Variants in FLACC1 observed in about 807,000 individuals in gnomAD.
FLACC1 encodes the protein flagellum associated containing coiled-coil domains 1, also known as flagellum-associated coiled-coil domain-containing protein 1.
In FLACC1, 66 loss-of-function variants were observed where a neutral mutation model predicts 62.8. That is an observed-to-expected ratio of 1.05 (90% confidence interval 0.86 to 1.29). FLACC1 has a LOEUF of 1.29. FLACC1 is among the 50% of genes most tolerant of loss of function. The pLI is 0.00. For synonymous variants in FLACC1, 156 were observed against 161.0 expected (o/e 0.97, Z 0.24); for missense variants, 452 against 489.1 (o/e 0.92, Z 0.71).
chr2:201,357,921 A>C (rs1300278977), upstream of FLACC1, among the ~76,000 whole-genome samples: 1 of 152,186 alleles, frequency 6.6e-6, no homozygotes, highest in Non-Finnish European at 1.5e-5. Flanking sequence ...ACATTTTACA[A>C]ATTTTGTAAT....
chr2:201,293,545 A>G (rs1949787563), intron 12 of FLACC1, among the ~76,000 whole-genome samples: 1 of 152,234 alleles, frequency 6.6e-6, no homozygotes, highest in Non-Finnish European at 1.5e-5. Context: ...AATTTATGGC[A>G]CTAAATGCCC....
intron 9 of FLACC1, among the ~76,000 whole-genome samples, chr2:201,314,005 G>GA: frequency 6.6e-6 from 1 of 152,176 alleles, no homozygotes; most frequent in Non-Finnish European, 1.5e-5. Flanking sequence ...ACATCCCTAG[G>GA]AAAAGGGGGA....
At chr2:201,307,696 C>T (rs1576428041) in intron 10 of FLACC1, 74 bp from the exon 11 acceptor site, 3 of 1,119,552 alleles carry the variant, frequency 2.7e-6, no homozygotes, top group East Asian at 4.7e-5. Flanking sequence ...CCCAGAATAT[C>T]TAAAGATAAA....
chr2:201,301,811 C>A (rs980565124), intron 11 of FLACC1, among the ~76,000 whole-genome samples: 2 of 152,142 alleles, frequency 1.3e-5, no homozygotes, highest in Admixed American at 6.6e-5. Flanking sequence ...ATTTTCAACC[C>A]AGGATTTCAT....
chr2:201,293,567 C>G (rs1252330895), intron 12 of FLACC1, among the ~76,000 whole-genome samples: 1 of 152,092 alleles, frequency 6.6e-6, no homozygotes, highest in Non-Finnish European at 1.5e-5. Context: ...CAAGAGAAAG[C>G]AGGAAAGATC....
intron 9 of FLACC1, among the ~76,000 whole-genome samples, chr2:201,314,492 GA>G (rs1434379488): frequency 1.3e-5 from 2 of 151,960 alleles, no homozygotes; most frequent in African/African-American, 4.8e-5. Context: ...CAAAGACAAA[GA>G]AAAAAGAATA....
chr2:201,296,842 T>C (rs1949875942), intron 12 of FLACC1, among the ~76,000 whole-genome samples: 1 of 152,058 alleles, frequency 6.6e-6, no homozygotes, highest in Non-Finnish European at 1.5e-5. Flanking sequence ...AGCAGAGAAG[T>C]GAATGCACGT....
At chr2:201,343,651 G>C (rs1950854603) in intron 6 of FLACC1, among the ~76,000 whole-genome samples, 2 of 152,196 alleles carry the variant, frequency 1.3e-5, no homozygotes, top group Admixed American at 1.3e-4. Flanking sequence ...ACCTGTTTGA[G>C]GTGAGGAAGA....
chr2:201,344,746 T>A (rs1389819367), intron 5 of FLACC1, among the ~76,000 whole-genome samples: 1 of 152,150 alleles, frequency 6.6e-6, no homozygotes, highest in African/African-American at 2.4e-5. Flanking sequence ...TGGTTTTCTG[T>A]GTTTCTGGGT....
upstream of FLACC1, among the ~76,000 whole-genome samples, chr2:201,360,553 C>T (rs1457056917): frequency 1.3e-5 from 2 of 152,198 alleles, no homozygotes; most frequent in African/African-American, 2.4e-5. Context: ...CCAACTTGCT[C>T]ACTTGCTCAA....
At position 201,289,554 on chromosome 2, in the gene FLACC1, C is replaced by T. The variant is rs1271668446; in HGVS notation, c.1045G>A (p.Gly349Arg). The T allele has an allele frequency of 6.2e-7, 1 of 1,613,998 alleles. No individual in the cohort carries two copies. Among genetic ancestry groups the T allele is most frequent in the East Asian group, 2.2e-5 (1 of 44,896 alleles). The change falls in exon 14 of 15, where the codon GGA becomes AGA. Residue 349 changes from glycine to arginine, a missense_variant. Physicochemically the swap from Gly to Arg is moderately radical, Grantham distance 125. This residue lies in a region of FLACC1 where 301 missense variants were observed against 318.4 expected (regional missense o/e 0.95). Coordinates refer to ENST00000392257, the MANE Select transcript of FLACC1 (RefSeq NM_001127391.3). ...LELQKEKAIVGNLEKMLQTKF... is the reference protein window; with the variant it reads ...LELQKEKAIVRNLEKMLQTKF... ...GTTTGAAGCATTTTCTCCAGATTTCCCACTATAGCTTTCTGAAAGACATAC... is the reference window on the plus strand; with the variant it reads ...GTTTGAAGCATTTTCTCCAGATTTCTCACTATAGCTTTCTGAAAGACATAC...
At chr2:201,299,390 A>C in intron 11 of FLACC1, 90 bp from the exon 12 acceptor site, 2 of 1,028,076 alleles carry the variant, frequency 1.9e-6, no homozygotes, top group Non-Finnish European at 3.0e-6. Context: ...ATTCAGGAAT[A>C]TAATATTCAC....
intron 6 of FLACC1, among the ~76,000 whole-genome samples, chr2:201,343,559 G>A (rs1179744327): frequency 1.3e-5 from 2 of 152,182 alleles, no homozygotes; most frequent in Non-Finnish European, 2.9e-5. Context: ...AAACTTCACA[G>A]ATGGGGTGGG....
At chr2:201,300,378 G>A (rs986392287) in intron 11 of FLACC1, among the ~76,000 whole-genome samples, 5 of 152,212 alleles carry the variant, frequency 3.3e-5, no homozygotes, top group African/African-American at 1.2e-4. Context: ...GCTGGGGGAT[G>A]GGCGCCTGCT....
chr2:201,350,901 G>A, intron 2 of FLACC1, 119 bp from the exon 3 acceptor site: 2 of 810,626 alleles, frequency 2.5e-6, no homozygotes, highest in Non-Finnish European at 2.0e-6. Context: ...TGATCTGATA[G>A]CTGGAATCTT....
chr2:201,361,977 C>T (rs369350032), upstream of FLACC1, among the ~76,000 whole-genome samples: 1 of 152,224 alleles, frequency 6.6e-6, no homozygotes, highest in Admixed American at 6.5e-5. Context: ...ATTTCAGCAT[C>T]TTTTCTGAAT....
chr2:201,314,914 G>T (rs766242706), intron 9 of FLACC1, among the ~76,000 whole-genome samples: 9 of 152,082 alleles, frequency 5.9e-5, no homozygotes, highest in Non-Finnish European at 1.3e-4. Flanking sequence ...TATCAGCCAA[G>T]AATTTTGTAC....
intron 11 of FLACC1, among the ~76,000 whole-genome samples, chr2:201,303,858 G>A (rs925971291): frequency 6.6e-6 from 1 of 152,104 alleles, no homozygotes; most frequent in Non-Finnish European, 1.5e-5. Flanking sequence ...ATGCAGAAAA[G>A]GCCTTCAACA....
intron 6 of FLACC1, among the ~76,000 whole-genome samples, chr2:201,343,460 G>C (rs779570287): frequency 3.3e-5 from 5 of 152,160 alleles, no homozygotes; most frequent in Non-Finnish European, 5.9e-5. Flanking sequence ...CTCAGGATAG[G>C]ACCCAGCCTG....
Sources: gnomAD v4.1 joint callset for allele counts (sites outside exome capture counted in the v4.1 genomes callset) on GRCh38, gnomAD v4.1.1 for gene constraint, gnomAD v4.1.1 regional missense constraint, MANE v1.5 for transcripts, NCBI Gene and HGNC (gene_info 2026-07-23, HGNC 2026-07-21) for gene names.